Variants in MAGI2 observed in about 807,000 individuals in gnomAD.
MAGI2 encodes membrane associated guanylate kinase, WW and PDZ domain containing 2, also known as membrane-associated guanylate kinase, WW and PDZ domain-containing protein 2.
In MAGI2, 35 loss-of-function variants were observed where a neutral mutation model predicts 133.3. The observed-to-expected ratio is 0.26, with a 90% CI of 0.20 to 0.35. The LOEUF (loss-of-function observed/expected upper bound fraction) is 0.35. Among genes scored for constraint, MAGI2 ranks in the 10% least tolerant of loss-of-function variants. MAGI2 has a pLI of 1.00. For missense variants in MAGI2, 1,636 were observed against 1,863.4 expected (o/e 0.88, Z 2.25); for synonymous variants, 729 against 710.6 (o/e 1.03, Z -0.41).
At chr7:78,906,988 C>A (rs375895590) in intron 2 of MAGI2, among the ~76,000 whole-genome samples, 1 of 152,130 alleles carries the variant, frequency 6.6e-6, no homozygotes, top group South Asian at 2.1e-4. Context: ...TCCAGCCGAC[C>A]TTTGATCTCA....
chr7:78,476,110 A>C (rs1250123607), intron 6 of MAGI2, among the ~76,000 whole-genome samples: 1 of 151,956 alleles, frequency 6.6e-6, no homozygotes, highest in Non-Finnish European at 1.5e-5. Context: ...CTACAAGCAG[A>C]GAGGTTATCC....
chr7:79,215,981 C>T (rs1830003004), intron 1 of MAGI2, among the ~76,000 whole-genome samples: 2 of 151,810 alleles, frequency 1.3e-5, no homozygotes, highest in Admixed American at 6.6e-5. Flanking sequence ...GGGTAGCTCC[C>T]CAGGAACCCC....
At chr7:78,729,715 G>A (rs539811776) in intron 2 of MAGI2, among the ~76,000 whole-genome samples, 2 of 152,296 alleles carry the variant, frequency 1.3e-5, no homozygotes, top group African/African-American at 2.4e-5. Context: ...ATGCCAGTAA[G>A]TGTTTGAGCC....
chr7:78,384,866 CT>C (rs1405621091), intron 6 of MAGI2, among the ~76,000 whole-genome samples: 1 of 152,170 alleles, frequency 6.6e-6, no homozygotes, highest in Non-Finnish European at 1.5e-5. Flanking sequence ...ACGGATCAGA[CT>C]GAGCACAAAC....
At chr7:78,339,716 A>G (rs190241686) in intron 9 of MAGI2, among the ~76,000 whole-genome samples, 151 of 152,306 alleles carry the variant, frequency 9.9e-4, no homozygotes, top group African/African-American at 3.3e-3. Flanking sequence ...TGGCAACATG[A>G]AGATGTGGAT....
intron 2 of MAGI2, chr7:79,006,684 G>T (rs1172085062): frequency 6.4e-6 from 1 of 155,080 alleles, no homozygotes; most frequent in African/African-American, 2.4e-5. Flanking sequence ...AAGAGATGAG[G>T]TTGGGAGTCA....
At chr7:79,365,872 A>AAAAAG (rs1230972920) in intron 1 of MAGI2, among the ~76,000 whole-genome samples, 2 of 140,758 alleles carry the variant, frequency 1.4e-5, no homozygotes, top group African/African-American at 6.2e-5. Flanking sequence ...TGTCTCAAAA[A>AAAAAG]AAAAAAAAAA....
At chr7:78,154,042 A>C (rs918575209) in intron 16 of MAGI2, among the ~76,000 whole-genome samples, 1 of 152,306 alleles carries the variant, frequency 6.6e-6, no homozygotes. Context: ...ATGGTTAGTG[A>C]GGTGAGTTTT....
chr7:79,039,855 T>TTATA (rs901795545), intron 1 of MAGI2, among the ~76,000 whole-genome samples: 1 of 142,910 alleles, frequency 7.0e-6, no homozygotes, highest in Non-Finnish European at 1.5e-5. Context: ...TACATATATA[T>TTATA]TATATATATA....
intron 20 of MAGI2, among the ~76,000 whole-genome samples, chr7:78,089,634 T>C (rs564862408): frequency 1.3e-5 from 2 of 152,328 alleles, no homozygotes; most frequent in Non-Finnish European, 2.9e-5. Context: ...TCAGGGTTAC[T>C]GAGTTGAATG....
chr7:78,763,139 T>C (rs183576615), intron 2 of MAGI2, among the ~76,000 whole-genome samples: 2 of 152,298 alleles, frequency 1.3e-5, no homozygotes, highest in East Asian at 1.9e-4. Context: ...CTAATAGATA[T>C]AGTAATAGTT....
At chr7:78,642,578 ATATC>A (rs1407987275) in intron 2 of MAGI2, among the ~76,000 whole-genome samples, 2 of 152,230 alleles carry the variant, frequency 1.3e-5, no homozygotes, top group Admixed American at 6.5e-5. Context: ...TTCAGAATGA[ATATC>A]AATCTAGTGG....
At chr7:79,448,334 T>G (rs1849003685) in intron 1 of MAGI2, among the ~76,000 whole-genome samples, 1 of 152,138 alleles carries the variant, frequency 6.6e-6, no homozygotes. Flanking sequence ...CAAAATACTC[T>G]ATATTAATGT....
chr7:78,458,163 G>A (rs1003444948), intron 6 of MAGI2, among the ~76,000 whole-genome samples: 1 of 151,968 alleles, frequency 6.6e-6, no homozygotes, highest in Non-Finnish European at 1.5e-5. Context: ...GCGCGTGGTG[G>A]CACACCCCTG....
intron 1 of MAGI2, among the ~76,000 whole-genome samples, chr7:79,364,272 T>G (rs1842550755): frequency 6.6e-6 from 1 of 151,986 alleles, no homozygotes; most frequent in African/African-American, 2.4e-5. Flanking sequence ...AATCAGTACA[T>G]CAAAGAGATA....
intron 1 of MAGI2, among the ~76,000 whole-genome samples, chr7:79,058,549 T>C (rs779448219): frequency 5.9e-5 from 9 of 152,150 alleles, no homozygotes; most frequent in Non-Finnish European, 8.8e-5. Flanking sequence ...CGTAGTTTTG[T>C]CATTTTAATT....
At chr7:79,426,819 G>A (rs1329713907) in intron 1 of MAGI2, among the ~76,000 whole-genome samples, 1 of 152,156 alleles carries the variant, frequency 6.6e-6, no homozygotes, top group Non-Finnish European at 1.5e-5. Flanking sequence ...TGCAAATGTA[G>A]TAAATCTATT....
chr7:78,256,655 C>G, intron 9 of MAGI2, 74 bp from the exon 10 acceptor site: 2 of 1,246,066 alleles, frequency 1.6e-6, no homozygotes, highest in South Asian at 2.6e-5. Context: ...GAATTATTTA[C>G]GAGACTAGTG....
chr7:78,614,432 A>G (rs1806844418), intron 3 of MAGI2: 1 of 152,202 alleles, frequency 6.6e-6, no homozygotes, highest in African/African-American at 2.4e-5. Context: ...AGTTTTACAC[A>G]TCTATTTTAA....
Sources: gnomAD v4.1 joint callset for allele counts (sites outside exome capture counted in the v4.1 genomes callset) on GRCh38, gnomAD v4.1.1 for gene constraint, MANE v1.5 for transcripts, NCBI Gene and HGNC (gene_info 2026-07-23, HGNC 2026-07-21) for gene names.